ANKS1A: variants seen among roughly 807,000 people sequenced by gnomAD.
ANKS1A encodes ankyrin repeat and SAM domain-containing protein 1A.
Under a neutral mutation model 120.3 loss-of-function variants are expected in ANKS1A, and 55 were observed. The ratio of observed to expected loss-of-function variants is 0.46; its 90% CI spans 0.37 to 0.57. The LOEUF (loss-of-function observed/expected upper bound fraction) is 0.57, where lower values mean the gene tolerates loss of function less well. ANKS1A is among the 20% of genes least tolerant of loss of function. The probability of loss-of-function intolerance (pLI) is 0.00; values close to 1 mark genes in which losing one functional copy is unlikely to be tolerated. For missense variants in ANKS1A, 1,123 were observed against 1,480.3 expected (o/e 0.76, Z 3.96); for synonymous variants, 590 against 604.7 (o/e 0.98, Z 0.36).
intron 11 of ANKS1A, among the ~76,000 whole-genome samples, chr6:35,019,082 A>G (rs747028122): frequency 1.9e-4 from 29 of 152,154 alleles, no homozygotes; most frequent in Non-Finnish European, 3.5e-4. Context: ...TTTCTTTCAT[A>G]GCCATTATTA....
chr6:34,934,677 G>A (rs775168007), intron 1 of ANKS1A, among the ~76,000 whole-genome samples: 2 of 152,234 alleles, frequency 1.3e-5, no homozygotes, highest in Non-Finnish European at 2.9e-5. Flanking sequence ...CATAGTAAGT[G>A]TTGGAAAGTG....
intron 1 of ANKS1A, among the ~76,000 whole-genome samples, chr6:34,913,893 G>A (rs1287178562): frequency 2.0e-5 from 3 of 151,880 alleles, no homozygotes; most frequent in Non-Finnish European, 4.4e-5. Flanking sequence ...GGGATTACAG[G>A]TGTAAGTCAC....
chr6:34,894,609 T>C (rs945857684), intron 1 of ANKS1A, among the ~76,000 whole-genome samples: 4 of 151,952 alleles, frequency 2.6e-5, no homozygotes, highest in Non-Finnish European at 5.9e-5. Context: ...CCAAGATTGT[T>C]CCACTGCATT....
At chr6:35,081,625 A>G (rs1777685143) in intron 17 of ANKS1A, among the ~76,000 whole-genome samples, 1 of 152,188 alleles carries the variant, frequency 6.6e-6, no homozygotes, top group Admixed American at 6.5e-5. Context: ...CCTGCTCAGC[A>G]AAACCACAGC....
intron 3 of ANKS1A, among the ~76,000 whole-genome samples, chr6:34,978,805 C>CA (rs67799235): frequency 3.1e-5 from 3 of 96,886 alleles, no homozygotes; most frequent in African/African-American, 7.9e-5. Context: ...AACTCCGTCT[C>CA]AAAAAAAAAA....
Position 35,060,266 on chromosome 6 carries a change from A to G in ANKS1A, c.2184+13A>G. The G allele has an allele frequency of 6.2e-7, 1 of 1,602,684 alleles. No individual in the cohort carries two copies. Among genetic ancestry groups the G allele is most frequent in the Non-Finnish European group, 8.5e-7 (1 of 1,174,836 alleles). ...TGTCCACTTCCTGGTAAGTGGCTGC[A>G]GGCCTCCTCAATGGCAGGGTGCTGC... On this transcript the variant is annotated intron_variant, in intron 13 of 23. Transcript: ENST00000360359. This position sits in a 1 kb window ranked among gnomAD's most constrained non-coding sequence, Gnocchi z 4.5.
intron 1 of ANKS1A, among the ~76,000 whole-genome samples, chr6:34,930,239 T>G (rs772331020): frequency 4.6e-4 from 70 of 152,192 alleles, no homozygotes; most frequent in Admixed American, 3.2e-3. Flanking sequence ...ACCTTTACAC[T>G]TTTTTCATTA....
In ANKS1A at chr6:34,910,872, AAAAG is replaced by A. The variant is rs531825309; in HGVS notation, c.197+21285_197+21288del. ...TGAAACTCCATCTCAAAAAAAAAAA[AAAAG>A]AAAGAAAGAAAAAGAAAAAAGAATG... is the stretch of plus-strand genomic sequence containing the variant. On this transcript the variant is annotated intron_variant, in intron 1 of 23. Transcript: ENST00000360359. Among the ~76,000 whole-genome samples, 417 of 151,870 alleles carry A rather than the reference AAAAG, an allele frequency of 2.7e-3. 4 individuals carry two copies. The highest frequency in any genetic ancestry group is 9.1e-3 in the African/African-American group (378 of 41,426).
chr6:35,076,919 C>T (rs113264239), intron 13 of ANKS1A, among the ~76,000 whole-genome samples: 4,253 of 152,198 alleles, frequency 0.028, 179 homozygotes, highest in African/African-American at 0.094. Context: ...GGTGAGCCAC[C>T]GCGCCTGGCC....
chr6:35,074,173 A>G (rs891266523), intron 13 of ANKS1A, among the ~76,000 whole-genome samples: 21 of 152,362 alleles, frequency 1.4e-4, no homozygotes, highest in Non-Finnish European at 2.6e-4. Flanking sequence ...TTCTGAGTCA[A>G]TGCTGGGGTT....
Position 34,919,298 on chromosome 6 carries a change from C to A in ANKS1A, c.197+29699C>A, listed in dbSNP as rs151118278. ...TTTCTAACAGAAAATTAAATACTGACCTGGAGCACCTTTTCAGTCTCCTGG... is the reference window on the plus strand; with the variant it reads ...TTTCTAACAGAAAATTAAATACTGAACTGGAGCACCTTTTCAGTCTCCTGG... On this transcript the variant is annotated intron_variant, in intron 1 of 23. Coordinates refer to ENST00000360359, the MANE Select transcript of ANKS1A (RefSeq NM_015245.3). Among the ~76,000 whole-genome samples the A allele has an allele frequency of 1.9e-3, 286 of 152,306 alleles. 1 individual carries two copies. Among genetic ancestry groups the A allele is most frequent in the Middle Eastern group, 0.014 (4 of 294 alleles).
chr6:34,910,997 T>C (rs1226600740), intron 1 of ANKS1A, among the ~76,000 whole-genome samples: 2 of 152,184 alleles, frequency 1.3e-5, no homozygotes, highest in Non-Finnish European at 2.9e-5. Context: ...AATGAAACAC[T>C]TTTTTCCCTC....
At chr6:34,967,627 G>A (rs1399882593) in intron 2 of ANKS1A, among the ~76,000 whole-genome samples, 1 of 152,036 alleles carries the variant, frequency 6.6e-6, no homozygotes, top group Non-Finnish European at 1.5e-5. Flanking sequence ...AAGCCCAGGA[G>A]TTTGAGGCTG....
In ANKS1A at chr6:35,083,201, C is replaced by T. The variant is rs1359242256; in HGVS notation, c.2882C>T (p.Thr961Met). 6.2e-6 allele frequency: 10 copies of T among 1,614,162 alleles called. No homozygotes were observed. Among genetic ancestry groups the T allele is most frequent in the Non-Finnish European group, 7.6e-6 (9 of 1,180,036 alleles). Reference sequence around the variant, plus strand: ...AAAGATCTGCGAGGGACAGAATCCACGCAAGACGCCTGTGCCAAGATGCGG... The same window carrying T: ...AAAGATCTGCGAGGGACAGAATCCATGCAAGACGCCTGTGCCAAGATGCGG... ...LIKDLRGTES[T>M]QDACAKMRKS... Residue 961 changes from threonine (T) to methionine (M), a missense_variant, in exon 19 of 24, where the codon ACG becomes ATG. Thr to Met is a moderately conservative substitution (Grantham distance 81). Transcript: ENST00000360359.
intron 17 of ANKS1A, 127 bp downstream of exon 17, chr6:35,081,285 C>A: frequency 8.0e-7 from 1 of 1,251,496 alleles, no homozygotes; most frequent in East Asian, 2.6e-5. Flanking sequence ...TCAGGAGGCA[C>A]TAGCCTGCTC....
rs534903583 is a variant in ANKS1A at position 35,053,729 on chromosome 6, G to A, written c.2011-370G>A. 1.3e-4 allele frequency among the ~76,000 whole-genome samples: 20 copies of A among 152,374 alleles called. No individual in the cohort carries two copies. In the East Asian group the frequency reaches 3.9e-3, roughly 29 times the overall value. On this transcript the variant is annotated intron_variant, in intron 11 of 23. Transcript: ENST00000360359. ...ACTCTCATGGAATTGAAATTCTAGC[G>A]TGAGCAATGAGATGGCCAGGTCTGG...
chr6:35,041,888 A>G (rs1247894490), intron 11 of ANKS1A, among the ~76,000 whole-genome samples: 1 of 152,220 alleles, frequency 6.6e-6, no homozygotes, highest in Non-Finnish European at 1.5e-5. Flanking sequence ...GAGGACATCA[A>G]GTTGTGTTCC....
chr6:35,060,239 G>A lies in ANKS1A; in HGVS notation c.2170G>A (p.Asp724Asn), dbSNP rs1257206556. 6.8e-6 allele frequency: 11 copies of A among 1,611,582 alleles called. No individual in the cohort carries two copies. The highest frequency in any genetic ancestry group is 4.5e-5 in the East Asian group (2 of 44,832). The change falls in exon 13 of 24, where the codon GAT (aspartate) becomes AAT (asparagine). Residue 724 changes from aspartate to asparagine, a missense_variant. Coordinates refer to ENST00000360359, the MANE Select transcript of ANKS1A (RefSeq NM_015245.3). The surrounding 1 kb of genome is among the most constrained non-coding windows in gnomAD (Gnocchi z 4.5). Reference protein sequence around the residue: ...ESKLLLNGFDDVHFLGSNVME... With the variant: ...ESKLLLNGFDNVHFLGSNVME... ...CAAGTTGCTTCTGAATGGCTTTGACGATGTCCACTTCCTGGTAAGTGGCTG... is the reference window on the plus strand; with the variant it reads ...CAAGTTGCTTCTGAATGGCTTTGACAATGTCCACTTCCTGGTAAGTGGCTG...
chr6:34,994,531 G>A, intron 10 of ANKS1A, 109 bp downstream of exon 10: 1 of 1,483,198 alleles, frequency 6.7e-7, no homozygotes, highest in Non-Finnish European at 9.1e-7. Flanking sequence ...TTGGGTTGTG[G>A]TGGTTGGGTT....
Sources: gnomAD v4.1 joint callset for allele counts (sites outside exome capture counted in the v4.1 genomes callset) on GRCh38, gnomAD v4.1.1 for gene constraint, Gnocchi (gnomAD v3.1) non-coding constraint, MANE v1.5 for transcripts, NCBI Gene and HGNC (gene_info 2026-07-23, HGNC 2026-07-21) for gene names.